The following EP300 variants were observed in gnomAD, a reference collection of about 807,000 sequenced individuals.
EP300 encodes EP300 lysine acetyltransferase, also known as histone acetyltransferase p300.
In EP300, 31 loss-of-function variants were observed where a neutral mutation model predicts 264.0. The ratio of observed to expected loss-of-function variants is 0.12; its 90% confidence interval spans 0.09 to 0.16. The LOEUF is 0.16. EP300 is among the 10% of genes least tolerant of loss of function. The pLI is 1.00. For synonymous variants in EP300, 1,340 were observed against 1,045.4 expected (o/e 1.28, Z -5.44); for missense variants, 2,766 against 3,052.9 (o/e 0.91, Z 2.21).
rs2145747595 is a variant in EP300, at chr22:41,157,323, A to T, written c.3416A>T (p.Tyr1139Phe). 1 of 1,614,180 alleles carries T rather than the reference A, an allele frequency of 6.2e-7. No homozygotes were observed. Among genetic ancestry groups the T allele is most frequent in the Non-Finnish European group, 8.5e-7 (1 of 1,180,022 alleles). ...TATAACCGGAAAACATCACGGGTAT[A>T]CAAATACTGCTCCAAGCTCTCTGAG... ...WLYNRKTSRV[Y>F]KYCSKLSEVF... The change falls in exon 18 of 31, where the codon TAC (tyrosine) becomes TTC (phenylalanine). Residue 1139 changes from tyrosine to phenylalanine, a missense_variant. Coordinates refer to ENST00000263253, the MANE Select transcript of EP300 (RefSeq NM_001429.4).
intron 1 of EP300, among the ~76,000 whole-genome samples, chr22:41,095,232 A>ATTTTTTTTTTTT (rs66515117): frequency 1.2e-5 from 1 of 80,264 alleles, no homozygotes; most frequent in African/African-American, 5.5e-5. Context: ...TACCATTGTA[A>ATTTTTTTTTTTT]TTTTTTTTTT....
intron 1 of EP300, among the ~76,000 whole-genome samples, chr22:41,105,899 T>C (rs2058755925): frequency 6.6e-6 from 1 of 152,230 alleles, no homozygotes; most frequent in African/African-American, 2.4e-5. Context: ...TATCATCTTT[T>C]ATCCAAATTT....
intron 5 of EP300, 124 bp downstream of exon 5, chr22:41,130,127 T>C: frequency 2.6e-6 from 2 of 756,336 alleles, no homozygotes; most frequent in Admixed American, 2.3e-5. Context: ...AAATGTTTTT[T>C]TCCCTTTTAA....
chr22:41,146,688 T>G (rs1244940014), intron 10 of EP300, 51 bp from the exon 11 acceptor site: 2 of 1,551,124 alleles, frequency 1.3e-6, no homozygotes, highest in Non-Finnish European at 1.8e-6. Flanking sequence ...GAGTTTTTGT[T>G]TGGTTAAGGG....
At chr22:41,137,859 G>A (rs2145722907) in intron 8 of EP300, 69 bp downstream of exon 8, 1 of 1,605,798 alleles carries the variant, frequency 6.2e-7, no homozygotes, top group Middle Eastern at 1.7e-4. Context: ...AATCTCCTGG[G>A]CATTTAATTA....
chr22:41,112,124 G>A (rs986449689), intron 1 of EP300, among the ~76,000 whole-genome samples: 23 of 151,442 alleles, frequency 1.5e-4, no homozygotes, highest in Non-Finnish European at 4.4e-5. Flanking sequence ...TCCTGAACTC[G>A]TGATCCGCCC....
At chr22:41,100,859 T>C (rs760801761) in intron 1 of EP300, among the ~76,000 whole-genome samples, 6 of 152,108 alleles carry the variant, frequency 3.9e-5, no homozygotes, top group Non-Finnish European at 8.8e-5. Context: ...TATAGTATCA[T>C]GACATCTTGT....
chr22:41,173,214 A>C (rs2059180829), intron 28 of EP300, among the ~76,000 whole-genome samples: 1 of 152,196 alleles, frequency 6.6e-6, no homozygotes. Flanking sequence ...CAGCCTTGTC[A>C]TTTAGTATTT....
At chr22:41,127,921 C>A (rs2058892310) in intron 4 of EP300, among the ~76,000 whole-genome samples, 173 bp downstream of exon 4, 1 of 152,194 alleles carries the variant, frequency 6.6e-6, no homozygotes, top group Non-Finnish European at 1.5e-5. Flanking sequence ...GGTGTGGTGT[C>A]TCACACTTAC....
chr22:41,147,530 G>C (rs1444134167), intron 11 of EP300, among the ~76,000 whole-genome samples: 1 of 152,120 alleles, frequency 6.6e-6, no homozygotes, highest in Admixed American at 6.5e-5. Flanking sequence ...AAGGTCAGGA[G>C]ATAGAGACCA....
rs553984743 is a variant in EP300, at chr22:41,130,067, T to C, written c.1282+64T>C. 7.0e-5 allele frequency: 82 copies of C among 1,165,730 alleles called. No individual in the cohort carries two copies. In the African/African-American group the frequency reaches 1.2e-3, roughly 17 times the overall value. The allele number at this position is 1,165,730 out of a possible 1,614,324, so 72.2% of individuals were successfully genotyped here. A position where few individuals can be genotyped will look rare whatever the true frequency, so the allele number is the denominator to read the frequency against. On this transcript the variant is annotated intron_variant, in intron 5 of 30. Transcript: ENST00000263253. Reference sequence around the variant, plus strand: ...TTTAAAGTCTCACCAGTGCCATTTATAGTACTACTTGATTATGTGAGGGAC... The same window carrying C: ...TTTAAAGTCTCACCAGTGCCATTTACAGTACTACTTGATTATGTGAGGGAC...
At chr22:41,173,080 A>AT (rs2059180039) in intron 28 of EP300, among the ~76,000 whole-genome samples, 1 of 152,182 alleles carries the variant, frequency 6.6e-6, no homozygotes, top group African/African-American at 2.4e-5. Context: ...CTGAGCCAGA[A>AT]TTTAAGTTAC....
intron 27 of EP300, among the ~76,000 whole-genome samples, chr22:41,170,940 G>A (rs932934101): frequency 6.6e-6 from 1 of 150,608 alleles, no homozygotes; most frequent in African/African-American, 2.4e-5. Context: ...TGGGATTACA[G>A]GCATGAGCCA....
intron 1 of EP300, among the ~76,000 whole-genome samples, chr22:41,113,550 T>C (rs915048057): frequency 1.1e-4 from 17 of 152,170 alleles, no homozygotes; most frequent in Admixed American, 9.2e-4. Flanking sequence ...CTTTATTTAT[T>C]ATTATTATTT....
At chr22:41,141,273 G>A (rs2145726680) in intron 10 of EP300, 51 bp downstream of exon 10, 1 of 1,567,744 alleles carries the variant, frequency 6.4e-7, no homozygotes, top group Non-Finnish European at 8.8e-7. Context: ...TAATAAAATA[G>A]TTTCTATCTA....
intron 2 of EP300, among the ~76,000 whole-genome samples, chr22:41,122,375 A>G (rs1339369046): frequency 6.6e-6 from 1 of 151,978 alleles, no homozygotes; most frequent in Non-Finnish European, 1.5e-5. Context: ...CATGTTGGCC[A>G]GGCTGGTTTC....
intron 1 of EP300, among the ~76,000 whole-genome samples, chr22:41,095,744 C>G (rs2058698733): frequency 6.6e-6 from 1 of 151,374 alleles, no homozygotes; most frequent in South Asian, 2.1e-4. Flanking sequence ...TGAAATAAGC[C>G]CGAAATTCTA....
chr22:41,093,183 CCTCT>C (rs528864037), intron 1 of EP300, 85 bp downstream of exon 1: 8 of 1,358,770 alleles, frequency 5.9e-6, no homozygotes, highest in African/African-American at 2.9e-5. Flanking sequence ...TTTTTTTCTT[CCTCT>C]CTCTCTAGTT....
intron 1 of EP300, among the ~76,000 whole-genome samples, chr22:41,108,814 A>G (rs1230099962): frequency 1.3e-5 from 2 of 152,214 alleles, no homozygotes; most frequent in Non-Finnish European, 2.9e-5. Context: ...CTTACTGGAG[A>G]TAGTTCCTTC....
Sources: allele counts gnomAD v4.1 joint callset (sites outside exome capture counted in the v4.1 genomes callset), GRCh38; gene constraint gnomAD v4.1.1; transcripts MANE v1.5; gene names NCBI Gene and HGNC (gene_info 2026-07-23, HGNC 2026-07-21).